POLE2: variants seen among roughly 807,000 people sequenced by gnomAD.
The protein encoded by POLE2 is DNA polymerase epsilon 2, accessory subunit.
A neutral mutation model predicts 79.4 loss-of-function variants in POLE2; 56 were observed. The ratio of observed to expected loss-of-function variants is 0.71; its 90% CI spans 0.57 to 0.88. The LOEUF (loss-of-function observed/expected upper bound fraction) is 0.88, where lower values mean the gene tolerates loss of function less well. POLE2 is among the 40% of genes least tolerant of loss of function. The pLI is 0.00. For synonymous variants in POLE2, 212 were observed against 214.0 expected (o/e 0.99, Z 0.08); for missense variants, 598 against 638.9 (o/e 0.94, Z 0.69).
At chr14:49,687,274 A>ATAC (rs1887206480) in intron 1 of POLE2, among the ~76,000 whole-genome samples, 1 of 146,418 alleles carries the variant, frequency 6.8e-6, no homozygotes, top group African/African-American at 2.5e-5. Context: ...AAAAAAAAAA[A>ATAC]ATACATATAT....
At chr14:49,670,806 T>A (rs1309532704) in intron 5 of POLE2, among the ~76,000 whole-genome samples, 1 of 152,238 alleles carries the variant, frequency 6.6e-6, no homozygotes, top group African/African-American at 2.4e-5. Context: ...TGCCTCCTGA[T>A]ATTGTGTGAG....
At chr14:49,659,937 G>C (rs1884980773) in intron 10 of POLE2, among the ~76,000 whole-genome samples, 1 of 152,092 alleles carries the variant, frequency 6.6e-6, no homozygotes, top group Non-Finnish European at 1.5e-5. Context: ...AACAAATTTA[G>C]TGTAGCCTAA....
chr14:49,679,411 T>G (rs1235223852), intron 3 of POLE2: 1 of 230,762 alleles, frequency 4.3e-6, no homozygotes, highest in African/African-American at 2.3e-5. Flanking sequence ...ATTATACTTC[T>G]GAATATTCAT....
intron 3 of POLE2, chr14:49,677,677 T>C: frequency 9.5e-7 from 1 of 1,050,906 alleles, no homozygotes; most frequent in East Asian, 2.8e-5. Flanking sequence ...GGGAAGGCCC[T>C]TACGAAATGG....
chr14:49,661,370 G>A (rs1885088895), intron 10 of POLE2, among the ~76,000 whole-genome samples: 2 of 152,160 alleles, frequency 1.3e-5, no homozygotes, highest in Non-Finnish European at 2.9e-5. Context: ...GGACCAACTG[G>A]CATTTTCAAA....
intron 5 of POLE2, among the ~76,000 whole-genome samples, chr14:49,670,740 C>T (rs866975153): frequency 6.6e-6 from 1 of 151,794 alleles, no homozygotes; most frequent in Non-Finnish European, 1.5e-5. Context: ...ATAGGGAGAA[C>T]CTATTTGAAA....
intron 10 of POLE2, among the ~76,000 whole-genome samples, chr14:49,659,263 A>AT (rs71441242): frequency 0.29 from 42,235 of 147,932 alleles, 7,030 homozygotes; most frequent in African/African-American, 0.46. Context: ...TCCCTACACA[A>AT]TTTTTTTTTT....
intron 2 of POLE2, among the ~76,000 whole-genome samples, chr14:49,682,640 G>GGAAAAAAAAAAAAAA (rs1373991966): frequency 1.6e-4 from 10 of 60,980 alleles, no homozygotes; most frequent in African/African-American, 5.7e-4. Context: ...CCTTCTCAGG[G>GGAAAAAAAAAAAAAA]AAAAAAAAAA....
intron 16 of POLE2, 88 bp from the exon 17 acceptor site, chr14:49,650,529 T>A: frequency 1.1e-6 from 1 of 883,240 alleles, no homozygotes; most frequent in Non-Finnish European, 1.6e-6. Flanking sequence ...AAATATTAAT[T>A]ACCAAAAGGA....
At chr14:49,676,449 T>A (rs527467110) in intron 3 of POLE2, among the ~76,000 whole-genome samples, 1 of 152,332 alleles carries the variant, frequency 6.6e-6, no homozygotes, top group South Asian at 2.1e-4. Context: ...AGTAAGTTAT[T>A]GAACTTCTCA....
intron 5 of POLE2, among the ~76,000 whole-genome samples, chr14:49,669,990 T>A (rs1885758621): frequency 6.6e-6 from 1 of 151,752 alleles, no homozygotes. Context: ...TAAATAAGAT[T>A]TGGGTAGTAA....
At position 49,644,401 on chromosome 14, in the gene POLE2, T is replaced by G. The variant is rs1883611435; in HGVS notation, c.1566-731A>C. Among the ~76,000 whole-genome samples, 4 of 150,748 alleles carry G rather than the reference T, an allele frequency of 2.7e-5. No individual in the cohort carries two copies. The South Asian group carries it at 8.4e-4, about 32-fold the overall frequency. ...GACGCATGCCTGTAATCCCAGCTAC[T>G]CGGGAGGTTGAGGCAGGAGAATCTC... On this transcript the variant is annotated intron_variant, in intron 18 of 18. Transcript: ENST00000216367.
At chr14:49,677,874 A>G (rs1785025477) in intron 3 of POLE2, 1 of 400,680 alleles carries the variant, frequency 2.5e-6, no homozygotes, top group African/African-American at 2.1e-5. Flanking sequence ...GCTCCTGGCC[A>G]GCACACTGCC....
At chr14:49,678,479 A>G (rs2139681942) in intron 3 of POLE2, among the ~76,000 whole-genome samples, 1 of 152,314 alleles carries the variant, frequency 6.6e-6, no homozygotes, top group Admixed American at 6.5e-5. Flanking sequence ...GAATGTATAA[A>G]CAGAAGAATA....
intron 1 of POLE2, 111 bp downstream of exon 1, chr14:49,688,025 C>A: frequency 1.1e-6 from 1 of 877,004 alleles, no homozygotes; most frequent in South Asian, 1.5e-5. Flanking sequence ...AATTTAAGGT[C>A]AAGCCCCCTC....
At chr14:49,676,268 C>T (rs1002778346) in intron 3 of POLE2, among the ~76,000 whole-genome samples, 1 of 151,944 alleles carries the variant, frequency 6.6e-6, no homozygotes, top group African/African-American at 2.4e-5. Flanking sequence ...TATAAATATC[C>T]CAACCTAAAA....
chr14:49,677,731 A>G, intron 3 of POLE2: 2 of 1,379,980 alleles, frequency 1.4e-6, no homozygotes, highest in African/African-American at 2.9e-5. Context: ...TGCAGAACCA[A>G]CTCAGCATCC....
chr14:49,666,385 C>T lies in POLE2; in HGVS notation c.521G>A (p.Ser174Asn), dbSNP rs751453028. 9.2e-6 allele frequency: 14 copies of T among 1,521,862 alleles called. No homozygotes were observed. The highest frequency in any genetic ancestry group is 1.2e-5 in the Non-Finnish European group (14 of 1,122,896). 94.3% of individuals were successfully genotyped at this position (1,521,862 alleles called of 1,614,324 possible). Residue 174 changes from serine (S) to asparagine (N), a missense_variant, in exon 7 of 19, where the codon AGT (serine) becomes AAT (asparagine). Coordinates refer to ENST00000216367, the MANE Select transcript of POLE2 (RefSeq NM_002692.4). ...AATCGCATCTCCGATTTTGGTTGTA[C>T]TACCCAATAAGGTTTCTATTGTTTT... ...QLKTIETLLG[S>N]TTKIGDAIVL...
intron 4 of POLE2, 35 bp from the exon 5 acceptor site, chr14:49,674,251 A>C: frequency 6.6e-7 from 1 of 1,513,188 alleles, no homozygotes; most frequent in Non-Finnish European, 9.2e-7. Flanking sequence ...TGACTATCAT[A>C]ATACACAAAG....
Sources: allele counts gnomAD v4.1 joint callset (sites outside exome capture counted in the v4.1 genomes callset), GRCh38; gene constraint gnomAD v4.1.1; transcripts MANE v1.5; gene names NCBI Gene and HGNC (gene_info 2026-07-23, HGNC 2026-07-21).